SYT9: variants seen among roughly 807,000 people sequenced by gnomAD.
SYT9 encodes synaptotagmin-9.
In SYT9, 22 loss-of-function variants were observed where a neutral mutation model predicts 48.4. The observed-to-expected ratio is 0.45, with a 90% CI of 0.32 to 0.65. The LOEUF is 0.65. Among genes scored for constraint, SYT9 ranks in the 30% least tolerant of loss-of-function variants. The probability of loss-of-function intolerance (pLI) is 0.03; values close to 1 mark genes in which losing one functional copy is unlikely to be tolerated. For missense variants in SYT9, 577 were observed against 622.0 expected (o/e 0.93, Z 0.77); for synonymous variants, 265 against 245.0 (o/e 1.08, Z -0.76).
rs554379264 is a variant in SYT9, at chr11:7,347,197, A to G, written c.1044+33256A>G. 3.3e-5 allele frequency among the ~76,000 whole-genome samples: 5 copies of G among 152,172 alleles called. No individual in the cohort carries two copies. In the East Asian group the frequency reaches 9.7e-4, roughly 29 times the overall value. Reference sequence around the variant, plus strand: ...CCCAGAAGAGAAGCTGGGACTTATCAATTAACCAATACTGCTTTCAAACCG... The same window carrying G: ...CCCAGAAGAGAAGCTGGGACTTATCGATTAACCAATACTGCTTTCAAACCG... On this transcript the variant is annotated intron_variant, in intron 3 of 6. Transcript: ENST00000318881.
chr11:7,246,955 A>T (rs1379076492), upstream of SYT9, among the ~76,000 whole-genome samples: 2 of 152,218 alleles, frequency 1.3e-5, no homozygotes, highest in Non-Finnish European at 1.5e-5. Context: ...ATTTTCTCAC[A>T]GTCAGAAGTC....
chr11:7,324,315 C>T (rs570426950), intron 3 of SYT9, among the ~76,000 whole-genome samples: 1 of 151,952 alleles, frequency 6.6e-6, no homozygotes, highest in East Asian at 1.9e-4. Flanking sequence ...TCTCATTGAT[C>T]AGTGTCACTG....
rs866911376 is a variant in SYT9 at position 7,398,460 on chromosome 11, A to G, written c.1045-17582A>G. ...AGTCTCACCCTGTCGCCCAGGCTGG[A>G]GTGCAGTGGCATGATCTCGGCTCAC... is the stretch of plus-strand genomic sequence containing the variant. On this transcript the variant is annotated intron_variant, in intron 3 of 6. Coordinates refer to ENST00000318881, the MANE Select transcript of SYT9 (RefSeq NM_175733.4). Among the ~76,000 whole-genome samples, 17 of 147,426 alleles carry G rather than the reference A, an allele frequency of 1.2e-4. No homozygotes were observed. In the South Asian group the frequency reaches 2.8e-3, roughly 24 times the overall value.
intron 3 of SYT9, among the ~76,000 whole-genome samples, chr11:7,410,445 T>G (rs767523421): frequency 6.6e-6 from 1 of 152,188 alleles, no homozygotes; most frequent in Non-Finnish European, 1.5e-5. Flanking sequence ...GGTGTTGAAT[T>G]TCCCCAATAT....
At chr11:7,306,171 A>G (rs890602738) in intron 2 of SYT9, among the ~76,000 whole-genome samples, 1 of 152,126 alleles carries the variant, frequency 6.6e-6, no homozygotes, top group Non-Finnish European at 1.5e-5. Flanking sequence ...CAATTTTCTC[A>G]GAATTTTTTA....
At chr11:7,414,753 G>A (rs1847206281) in intron 3 of SYT9, among the ~76,000 whole-genome samples, 1 of 152,166 alleles carries the variant, frequency 6.6e-6, no homozygotes, top group Non-Finnish European at 1.5e-5. Flanking sequence ...TCATTCTCCT[G>A]TGGAAGCAAT....
At chr11:7,319,192 CTTTTTTTTTTTTTT>C (rs71056795) in intron 3 of SYT9, among the ~76,000 whole-genome samples, 6 of 86,188 alleles carry the variant, frequency 7.0e-5, no homozygotes, top group Non-Finnish European at 1.1e-4. Context: ...TCTTCTTTTT[CTTTTTTTTTTTTTT>C]TTTTTTTTGA....
rs77165993 is a variant in SYT9 at position 7,365,127 on chromosome 11, A to C, written c.1045-50915A>C. The stretch of plus-strand genomic sequence containing the variant: ...AAACGCTCCATTGACTGCAAGGCTT[A>C]TGAAATGAAAGGCTCTGATAATGGA... On this transcript the variant is annotated intron_variant, in intron 3 of 6. Transcript: ENST00000318881. Among the ~76,000 whole-genome samples the C allele has an allele frequency of 5.3e-5, 8 of 152,248 alleles. No homozygotes were observed. The East Asian group carries it at 1.5e-3, about 29-fold the overall frequency.
In SYT9 at chr11:7,436,459, T is replaced by C. The variant is rs184790262; in HGVS notation, c.1467+15824T>C. On this transcript the variant is annotated intron_variant, in intron 6 of 6. Coordinates refer to ENST00000318881, the MANE Select transcript of SYT9 (RefSeq NM_175733.4). ...TAAAATGAGAAGTTGCTTAGTCGGA[T>C]CTCAGACTGAGGGTCCATGGTGCTC... Among the ~76,000 whole-genome samples, 76 of 152,352 alleles carry C rather than the reference T, an allele frequency of 5.0e-4. 1 individual carries two copies. The East Asian group carries it at 0.012, about 24-fold the overall frequency.
At chr11:7,358,864 T>C (rs1850072117) in intron 3 of SYT9, among the ~76,000 whole-genome samples, 1 of 152,206 alleles carries the variant, frequency 6.6e-6, no homozygotes, top group African/African-American at 2.4e-5. Context: ...TTTTTTTTTA[T>C]TATACTTTGA....
intron 1 of SYT9, among the ~76,000 whole-genome samples, chr11:7,286,406 G>C (rs1426363069): frequency 6.6e-6 from 1 of 152,220 alleles, no homozygotes; most frequent in African/African-American, 2.4e-5. Context: ...ACACAGCAGG[G>C]GGGGCCCAGG....
intron 6 of SYT9, among the ~76,000 whole-genome samples, chr11:7,437,013 T>C (rs1357690530): frequency 6.6e-6 from 1 of 152,252 alleles, no homozygotes; most frequent in Non-Finnish European, 1.5e-5. Context: ...TAGCATAATA[T>C]CTGGTGAAAG....
intron 1 of SYT9, among the ~76,000 whole-genome samples, chr11:7,275,488 C>A (rs1848370827): frequency 6.6e-6 from 1 of 152,176 alleles, no homozygotes; most frequent in African/African-American, 2.4e-5. Context: ...ATTCTATTTT[C>A]TTTCATGGGT....
chr11:7,257,162 A>T (rs1847987655), intron 1 of SYT9, among the ~76,000 whole-genome samples: 1 of 152,172 alleles, frequency 6.6e-6, no homozygotes, highest in South Asian at 2.1e-4. Context: ...TGGGCAAAGA[A>T]TGCATCCGCC....
chr11:7,250,521 G>T (rs118001867), upstream of SYT9, among the ~76,000 whole-genome samples: 1,038 of 136,606 alleles, frequency 7.6e-3, 9 homozygotes, highest in East Asian at 0.056. Context: ...CTTCTCTAGG[G>T]GTTCCCCCCT....
Position 7,262,277 on chromosome 11 carries a change from G to A in SYT9, c.145+9946G>A, listed in dbSNP as rs146827242. On this transcript the variant is annotated intron_variant, in intron 1 of 6. Transcript: ENST00000318881. ...GAAGTAATTTTGAGGGGAATGACCA[G>A]CAGCTCAGTTCTTGATGTGGGATAT... 3.1e-3 allele frequency among the ~76,000 whole-genome samples: 469 copies of A among 152,250 alleles called. 4 individuals are homozygous for A. Among genetic ancestry groups the A allele is most frequent in the African/African-American group, 0.011 (462 of 41,554 alleles).
intron 3 of SYT9, among the ~76,000 whole-genome samples, chr11:7,398,967 G>T (rs1303072690): frequency 6.6e-6 from 1 of 152,140 alleles, no homozygotes; most frequent in East Asian, 1.9e-4. Flanking sequence ...CCAAACAGCA[G>T]GTTCTCCCAT....
At chr11:7,239,009 T>C (rs954371055) in intron 1 of SYT9, 2 of 450,448 alleles carry the variant, frequency 4.4e-6, no homozygotes, top group East Asian at 7.0e-5. Context: ...AGAGTCAGCA[T>C]TGGAGCTGTC....
intron 6 of SYT9, among the ~76,000 whole-genome samples, chr11:7,461,972 A>G (rs1848244484): frequency 6.6e-6 from 1 of 152,170 alleles, no homozygotes; most frequent in South Asian, 2.1e-4. Flanking sequence ...CATGCCACGC[A>G]CCATTTGCCA....
Sources: gnomAD v4.1 joint callset for allele counts (sites outside exome capture counted in the v4.1 genomes callset) on GRCh38, gnomAD v4.1.1 for gene constraint, MANE v1.5 for transcripts, NCBI Gene and HGNC (gene_info 2026-07-23, HGNC 2026-07-21) for gene names.